Variants in SHANK2 observed in about 807,000 individuals in gnomAD.
SHANK2 encodes SH3 and multiple ankyrin repeat domains 2, also known as SH3 and multiple ankyrin repeat domains protein 2.
A neutral mutation model predicts 133.7 loss-of-function variants in SHANK2; 43 were observed. The ratio of observed to expected loss-of-function variants is 0.32; its 90% CI spans 0.25 to 0.41. The LOEUF is 0.41. Ranked by LOEUF, SHANK2 falls within the 10% of genes least tolerant of loss-of-function variation. The pLI is 1.00. For synonymous variants in SHANK2, 1,017 were observed against 952.8 expected (o/e 1.07, Z -1.24); for missense variants, 1,994 against 2,235.8 (o/e 0.89, Z 2.18).
At chr11:71,185,378 G>A (rs1304808586) in intron 2 of SHANK2, among the ~76,000 whole-genome samples, 1 of 152,188 alleles carries the variant, frequency 6.6e-6, no homozygotes, top group Non-Finnish European at 1.5e-5. Flanking sequence ...AGAAAAGTCT[G>A]ATCACTATAT....
At chr11:70,729,493 T>C (rs1946239153) in intron 14 of SHANK2, among the ~76,000 whole-genome samples, 1 of 151,498 alleles carries the variant, frequency 6.6e-6, no homozygotes, top group Non-Finnish European at 1.5e-5. Flanking sequence ...TACCTGTGAA[T>C]GTACTCATGC....
chr11:70,814,324 C>CAA lies in SHANK2; in HGVS notation c.1493+6038_1493+6039dup, dbSNP rs57006336. Among the ~76,000 whole-genome samples, 173 of 130,544 alleles carry CAA rather than the reference C, an allele frequency of 1.3e-3. 2 individuals carry two copies. Among genetic ancestry groups the CAA allele is most frequent in the African/African-American group, 4.3e-3 (156 of 35,930 alleles). The allele number at this position is 130,544 out of a possible 152,430, so 85.6% of individuals were successfully genotyped here. On this transcript the variant is annotated intron_variant, in intron 12 of 25. Transcript: ENST00000601538. ...GGGTGACAAGAGTGAGACTCTGTCTCAAAAAAAAAAAAAAGAAAGTCAGGG... is the reference window on the plus strand; with the variant it reads ...GGGTGACAAGAGTGAGACTCTGTCTCAAAAAAAAAAAAAAAAGAAAGTCAGGG...
chr11:71,095,405 A>C (rs561100340), intron 6 of SHANK2, among the ~76,000 whole-genome samples: 1 of 152,176 alleles, frequency 6.6e-6, no homozygotes, highest in South Asian at 2.1e-4. Context: ...TCTTTCTAAT[A>C]TGCCCACCAT....
rs545859579 is a variant in SHANK2 at position 70,618,682 on chromosome 11, G to A, written c.2061+41146C>T. ...TTAACACCGACTGGGAGAGCAAGGCGCAGGCTTCTGGGTTAAATCAGCCCA... is the reference window on the plus strand; with the variant it reads ...TTAACACCGACTGGGAGAGCAAGGCACAGGCTTCTGGGTTAAATCAGCCCA... On this transcript the variant is annotated intron_variant, in intron 17 of 25. Coordinates refer to ENST00000601538, the MANE Select transcript of SHANK2 (RefSeq NM_012309.5). Among the ~76,000 whole-genome samples, 4 of 152,364 alleles carry A rather than the reference G, an allele frequency of 2.6e-5. No individual in the cohort carries two copies. The South Asian group carries it at 6.2e-4, about 24-fold the overall frequency.
intron 1 of SHANK2, among the ~76,000 whole-genome samples, chr11:71,243,271 T>C (rs1254888317): frequency 6.6e-6 from 1 of 152,164 alleles, no homozygotes; most frequent in East Asian, 1.9e-4. Context: ...TCAATGAAAC[T>C]ACAAGTTGGT....
chr11:71,077,196 C>T (rs1488299267), intron 8 of SHANK2, among the ~76,000 whole-genome samples: 2 of 152,200 alleles, frequency 1.3e-5, no homozygotes, highest in African/African-American at 4.8e-5. Context: ...CTATTTGGCA[C>T]TCCCCAAAGG....
At chr11:70,818,169 A>G (rs1426495386) in intron 12 of SHANK2, among the ~76,000 whole-genome samples, 1 of 152,202 alleles carries the variant, frequency 6.6e-6, no homozygotes, top group Non-Finnish European at 1.5e-5. Context: ...GCTGGCCACC[A>G]TGATGACCAC....
At chr11:70,584,375 T>C (rs1183526339) in intron 17 of SHANK2, among the ~76,000 whole-genome samples, 2 of 152,180 alleles carry the variant, frequency 1.3e-5, no homozygotes, top group Non-Finnish European at 2.9e-5. Flanking sequence ...CCTGGAGGGA[T>C]GGCCCCTCAA....
chr11:70,908,975 C>A (rs1308010111), intron 10 of SHANK2, among the ~76,000 whole-genome samples: 1 of 152,170 alleles, frequency 6.6e-6, no homozygotes, highest in Non-Finnish European at 1.5e-5. Flanking sequence ...GCAGTATTAT[C>A]CTCTGTCCTG....
intron 8 of SHANK2, among the ~76,000 whole-genome samples, chr11:71,082,373 G>A (rs878885135): frequency 0.2 from 29,884 of 152,142 alleles, 2,950 homozygotes; most frequent in Non-Finnish European, 0.21. Flanking sequence ...CAATCACCTC[G>A]ATACCTAGAT....
At chr11:71,117,144 C>T (rs1297029583) in intron 4 of SHANK2, among the ~76,000 whole-genome samples, 13 of 152,122 alleles carry the variant, frequency 8.5e-5, no homozygotes, top group African/African-American at 2.2e-4. Flanking sequence ...CTCAGCCCCC[C>T]GAGTAGCTGG....
At chr11:70,652,199 C>T (rs1352941466) in intron 17 of SHANK2, among the ~76,000 whole-genome samples, 1 of 152,124 alleles carries the variant, frequency 6.6e-6, no homozygotes, top group Non-Finnish European at 1.5e-5. Flanking sequence ...GTGGTTTGAG[C>T]CAAAGGAGGA....
chr11:70,923,562 G>T (rs1486109329), intron 10 of SHANK2, among the ~76,000 whole-genome samples: 1 of 151,858 alleles, frequency 6.6e-6, no homozygotes, highest in African/African-American at 2.4e-5. Context: ...TTTTTTGAGA[G>T]AGACAGGATC....
intron 14 of SHANK2, among the ~76,000 whole-genome samples, chr11:70,763,063 C>A (rs1467994804): frequency 4.6e-5 from 7 of 152,208 alleles, no homozygotes; most frequent in Admixed American, 3.9e-4. Flanking sequence ...TGCCAAGGAG[C>A]CTGATCTGAA....
chr11:71,123,867 T>C (rs1266615342), intron 3 of SHANK2, among the ~76,000 whole-genome samples: 3 of 152,096 alleles, frequency 2.0e-5, no homozygotes, highest in South Asian at 2.1e-4. Context: ...TTCTATCTTC[T>C]GTGCACAGGG....
intron 14 of SHANK2, among the ~76,000 whole-genome samples, chr11:70,731,298 T>G (rs1946284463): frequency 6.6e-6 from 1 of 152,206 alleles, no homozygotes; most frequent in Non-Finnish European, 1.5e-5. Flanking sequence ...TGATGGCACC[T>G]CGGCCTATGA....
chr11:70,927,081 C>T (rs2135784528), intron 10 of SHANK2, among the ~76,000 whole-genome samples: 1 of 152,258 alleles, frequency 6.6e-6, no homozygotes, highest in East Asian at 1.9e-4. Context: ...GGCAGGCACA[C>T]ATCATGTGCT....
chr11:70,761,037 C>A (rs1451216730), intron 14 of SHANK2, among the ~76,000 whole-genome samples: 3 of 152,132 alleles, frequency 2.0e-5, no homozygotes, highest in Non-Finnish European at 2.9e-5. Flanking sequence ...GTGGGAGAGG[C>A]CCCACTGGGA....
At chr11:70,879,202 G>A (rs1232517557) in intron 11 of SHANK2, among the ~76,000 whole-genome samples, 1 of 152,200 alleles carries the variant, frequency 6.6e-6, no homozygotes, top group Non-Finnish European at 1.5e-5. Context: ...TTCTGGCTTG[G>A]CTAAAAGCAA....
Sources: allele counts gnomAD v4.1 joint callset (sites outside exome capture counted in the v4.1 genomes callset), GRCh38; gene constraint gnomAD v4.1.1; transcripts MANE v1.5; gene names NCBI Gene and HGNC (gene_info 2026-07-23, HGNC 2026-07-21).